The following CDH4 variants were observed in gnomAD, a reference collection of about 807,000 sequenced individuals.
CDH4 encodes the protein cadherin 4, also known as cadherin-4.
Under a neutral mutation model 86.0 loss-of-function variants are expected in CDH4, and 33 were observed. That is an observed-to-expected ratio of 0.38 (90% confidence interval 0.29 to 0.51). The LOEUF (loss-of-function observed/expected upper bound fraction) is 0.51. Among genes scored for constraint, CDH4 ranks in the 20% least tolerant of loss-of-function variants. CDH4 has a pLI of 0.86. For synonymous variants in CDH4, 555 were observed against 549.4 expected, an observed-to-expected ratio of 1.01 and a Z score of -0.14; for missense variants, 1,114 against 1,307.4, an observed-to-expected ratio of 0.85 and a Z score of 2.28.
intron 2 of CDH4, among the ~76,000 whole-genome samples, chr20:61,346,336 C>T (rs1380846089): frequency 2.0e-5 from 3 of 152,168 alleles, no homozygotes; most frequent in Non-Finnish European, 4.4e-5. Flanking sequence ...AGGCAGGGAT[C>T]AGCCAGGCCA....
At chr20:61,256,927 A>G (rs2084101707) in intron 2 of CDH4, among the ~76,000 whole-genome samples, 1 of 152,156 alleles carries the variant, frequency 6.6e-6, no homozygotes, top group Non-Finnish European at 1.5e-5. Flanking sequence ...TTTTGCACAT[A>G]TGGAGGCAAG....
chr20:61,272,366 C>T lies in CDH4; in HGVS notation c.169+17429C>T, dbSNP rs142888016. Among the ~76,000 whole-genome samples, 1,359 of 152,338 alleles carry T rather than the reference C, an allele frequency of 8.9e-3. 7 individuals carry two copies. Among genetic ancestry groups the T allele is most frequent in the Non-Finnish European group, 0.014 (962 of 68,024 alleles). On this transcript the variant is annotated intron_variant, in intron 2 of 15. Coordinates refer to ENST00000614565, the MANE Select transcript of CDH4 (RefSeq NM_001794.5). Reference sequence around the variant, plus strand: ...TAGGGAGGCTGCAGTCGCCCCCTGTCTATCTGCTCCTCTCTGCCAGGCAGA... The same window carrying T: ...TAGGGAGGCTGCAGTCGCCCCCTGTTTATCTGCTCCTCTCTGCCAGGCAGA...
At chr20:61,385,935 T>G (rs1385813165) in intron 2 of CDH4, among the ~76,000 whole-genome samples, 1 of 152,162 alleles carries the variant, frequency 6.6e-6, no homozygotes, top group African/African-American at 2.4e-5. Flanking sequence ...TGGGTAAGGA[T>G]TTAATGCCTG....
Position 61,501,146 on chromosome 20 carries a change from C to T in CDH4, c.170-242417C>T, listed in dbSNP as rs2085697952. On this transcript the variant is annotated intron_variant, in intron 2 of 15. Transcript: ENST00000614565. The surrounding 1 kb of genome is among the most constrained non-coding windows in gnomAD (Gnocchi z 4.2). Reference sequence around the variant, plus strand: ...TTTCTGTAGAGCCCAAAACAGGCCACATCCGCTCCTGCTCTGAGCTACAAT... The same window carrying T: ...TTTCTGTAGAGCCCAAAACAGGCCATATCCGCTCCTGCTCTGAGCTACAAT... Among the ~76,000 whole-genome samples the T allele has an allele frequency of 1.3e-5, 2 of 152,204 alleles. No individual in the cohort carries two copies. The highest frequency in any genetic ancestry group is 2.9e-5 in the Non-Finnish European group (2 of 68,040).
At chr20:61,540,472 C>T (rs1411255653) in intron 2 of CDH4, among the ~76,000 whole-genome samples, 5 of 152,128 alleles carry the variant, frequency 3.3e-5, no homozygotes, top group Admixed American at 3.3e-4. Context: ...CCTGTCATCA[C>T]TGAGACAAGG....
intron 2 of CDH4, among the ~76,000 whole-genome samples, chr20:61,542,813 A>C (rs1239958804): frequency 6.6e-6 from 1 of 152,208 alleles, no homozygotes; most frequent in Non-Finnish European, 1.5e-5. Flanking sequence ...GTTTATTAGG[A>C]GAATTGACCC....
intron 3 of CDH4, among the ~76,000 whole-genome samples, chr20:61,745,120 C>T (rs749451719): frequency 6.6e-6 from 1 of 152,244 alleles, no homozygotes; most frequent in Non-Finnish European, 1.5e-5. Context: ...CCACGCAAGG[C>T]GGCGGCCACT....
At chr20:61,562,517 C>A (rs1343903191) in intron 2 of CDH4, among the ~76,000 whole-genome samples, 1 of 152,180 alleles carries the variant, frequency 6.6e-6, no homozygotes, top group African/African-American at 2.4e-5. Flanking sequence ...GCCTGGGAAA[C>A]TGGGGGGATT....
intron 9 of CDH4, among the ~76,000 whole-genome samples, chr20:61,923,209 C>T (rs556558309): frequency 6.6e-6 from 1 of 152,362 alleles, no homozygotes; most frequent in African/African-American, 2.4e-5. Context: ...CAGCATGGGA[C>T]AGGGGCTGGG....
Position 61,940,134 on chromosome 20 carries a change from C to T in CDH4, c.*3191C>T, listed in dbSNP as rs568616402. The T allele has an allele frequency of 3.7e-4, 57 of 152,346 alleles. No homozygotes were observed. The highest frequency in any genetic ancestry group is 1.3e-3 in the African/African-American group (56 of 41,574). 9.4% of individuals were successfully genotyped at this position (152,346 alleles called of 1,614,324 possible). A position where few individuals can be genotyped will look rare whatever the true frequency, so the allele number is the denominator to read the frequency against. On this transcript the variant is annotated 3_prime_UTR_variant, in exon 16 of 16. Transcript: ENST00000614565. ...CACAGAATCTCCCAGACACACGTGA[C>T]CCAGCTCGTGGCGCCGTGGGTCCGT... is the stretch of plus-strand genomic sequence containing the variant.
chr20:61,925,011 C>T (rs545969233), intron 11 of CDH4, among the ~76,000 whole-genome samples: 81 of 152,304 alleles, frequency 5.3e-4, no homozygotes, highest in African/African-American at 1.7e-3. Context: ...TGACCACCCA[C>T]GGCACAGACC....
intron 2 of CDH4, among the ~76,000 whole-genome samples, chr20:61,514,236 T>A (rs913796962): frequency 1.2e-4 from 18 of 152,080 alleles, no homozygotes; most frequent in Admixed American, 1.2e-3. Context: ...CTGCTGGGTA[T>A]GACTTTCTTC....
At chr20:61,665,072 C>T (rs1166037887) in intron 2 of CDH4, among the ~76,000 whole-genome samples, 1 of 152,228 alleles carries the variant, frequency 6.6e-6, no homozygotes, top group African/African-American at 2.4e-5. Flanking sequence ...ACGTCGCTGG[C>T]ACGGGTGGCT....
chr20:61,921,659 G>C (rs1180600414), intron 9 of CDH4, among the ~76,000 whole-genome samples: 2 of 151,958 alleles, frequency 1.3e-5, no homozygotes, highest in African/African-American at 2.4e-5. Context: ...GGCTGAGGCA[G>C]GAGAATCACT....
chr20:61,655,987 C>T (rs1045387203), intron 2 of CDH4, among the ~76,000 whole-genome samples: 1 of 152,130 alleles, frequency 6.6e-6, no homozygotes, highest in Non-Finnish European at 1.5e-5. Context: ...CTTCAGATAT[C>T]GTGAACAGTC....
intron 2 of CDH4, among the ~76,000 whole-genome samples, chr20:61,381,775 A>AT (rs1469395645): frequency 3.9e-5 from 6 of 152,178 alleles, no homozygotes; most frequent in Non-Finnish European, 7.3e-5. Context: ...TCAGAAAACT[A>AT]TTTAAAAAGA....
At position 61,627,136 on chromosome 20, in the gene CDH4, G is replaced by A. The variant is rs368071510; in HGVS notation, c.170-116427G>A. On this transcript the variant is annotated intron_variant, in intron 2 of 15. Transcript: ENST00000614565. ...GGCTTCTGGGGGCAGCAGGAGAGGG[G>A]CACACGCATGATAAATTCTGTCTAG... 7.9e-5 allele frequency among the ~76,000 whole-genome samples: 12 copies of A among 152,096 alleles called. 1 individual carries two copies. Among genetic ancestry groups the A allele is most frequent in the Admixed American group, 2.6e-4 (4 of 15,280 alleles).
chr20:61,792,510 A>G (rs1408253964), intron 4 of CDH4, among the ~76,000 whole-genome samples: 1 of 152,202 alleles, frequency 6.6e-6, no homozygotes, highest in Non-Finnish European at 1.5e-5. Flanking sequence ...TCAGCTCTCC[A>G]GGATGCTGCA....
chr20:61,716,151 G>T (rs758614313), intron 2 of CDH4, among the ~76,000 whole-genome samples: 1 of 152,108 alleles, frequency 6.6e-6, no homozygotes, highest in Admixed American at 6.5e-5. Flanking sequence ...GCTGTAAAGG[G>T]GTAGATGCTC....
Sources: allele counts gnomAD v4.1 joint callset (sites outside exome capture counted in the v4.1 genomes callset), GRCh38; gene constraint gnomAD v4.1.1; non-coding constraint Gnocchi (gnomAD v3.1); transcripts MANE v1.5; gene names NCBI Gene and HGNC (gene_info 2026-07-23, HGNC 2026-07-21).